The following RYR2 variants were observed in gnomAD, a reference collection of about 807,000 sequenced individuals.
The protein encoded by RYR2 is cardiac muscle ryanodine receptor-calcium release channel.
RYR2 carries 227 observed loss-of-function variants against 601.1 expected under a neutral mutation model. The ratio of observed to expected loss-of-function variants is 0.38; its 90% CI spans 0.34 to 0.42. RYR2 has a LOEUF of 0.42. Among genes scored for constraint, RYR2 ranks in the 10% least tolerant of loss-of-function variants. RYR2 has a pLI of 1.00. For missense variants in RYR2, 4,646 were observed against 6,156.5 expected, an observed-to-expected ratio of 0.75 and a Z score of 8.21; for synonymous variants, 2,223 against 2,175.1, an observed-to-expected ratio of 1.02 and a Z score of -0.61.
intron 23 of RYR2, among the ~76,000 whole-genome samples, chr1:237,507,323 G>C (rs931586742): frequency 2.0e-5 from 3 of 152,168 alleles, no homozygotes; most frequent in African/African-American, 7.2e-5. Context: ...GCTTCTAAAT[G>C]ATACTTTGCT....
intron 3 of RYR2, among the ~76,000 whole-genome samples, chr1:237,355,049 G>C (rs1185381297): frequency 6.6e-6 from 1 of 152,046 alleles, no homozygotes; most frequent in East Asian, 1.9e-4. Flanking sequence ...GAGATTCCTA[G>C]CTAATAGCCC....
chr1:237,586,263 C>G (rs1488191594), intron 29 of RYR2, among the ~76,000 whole-genome samples: 1 of 151,974 alleles, frequency 6.6e-6, no homozygotes, highest in Non-Finnish European at 1.5e-5. Flanking sequence ...TTTGTTGAGC[C>G]CTAAAGATGA....
rs147389346 is a variant in RYR2, at chr1:237,445,448, G to C, written c.1218G>C (p.Ser406=). The change falls in exon 14 of 105, where the codon TCG becomes TCC. Residue 406 remains serine, a synonymous_variant. Coordinates refer to ENST00000366574, the MANE Select transcript of RYR2 (RefSeq NM_001035.3). ...EGHMDDGISL[S]RSQHEESRTA... ...ACATGGATGATGGCATAAGTTTGTCGAGATCCCAGCATGAAGAATCACGCA... is the reference window on the plus strand; with the variant it reads ...ACATGGATGATGGCATAAGTTTGTCCAGATCCCAGCATGAAGAATCACGCA... The C allele has an allele frequency of 1.9e-6, 3 of 1,613,530 alleles. No homozygotes were observed. Among genetic ancestry groups the C allele is most frequent in the Admixed American group, 3.3e-5 (2 of 59,962 alleles).
chr1:237,229,531 A>G (rs1684744390), intron 1 of RYR2, among the ~76,000 whole-genome samples: 1 of 151,652 alleles, frequency 6.6e-6, no homozygotes, highest in Non-Finnish European at 1.5e-5. Flanking sequence ...GGTACATTGA[A>G]TTCATTGGTT....
At chr1:237,609,393 CAG>C (rs1434254233) in intron 35 of RYR2, among the ~76,000 whole-genome samples, 15 of 129,440 alleles carry the variant, frequency 1.2e-4, no homozygotes, top group African/African-American at 4.0e-4. Context: ...TTCTTTCTGA[CAG>C]AGTCTCACTT....
intron 63 of RYR2, among the ~76,000 whole-genome samples, chr1:237,695,935 T>C (rs892249114): frequency 1.3e-5 from 2 of 152,164 alleles, no homozygotes; most frequent in African/African-American, 4.8e-5. Context: ...CACAGAAATT[T>C]CATATTCCCA....
intron 79 of RYR2, among the ~76,000 whole-genome samples, chr1:237,734,910 C>T (rs114847736): frequency 0.027 from 4,101 of 152,064 alleles, 59 homozygotes; most frequent in Middle Eastern, 0.048. Context: ...CATTAGAAGC[C>T]GTAGGAGTAG....
rs765577164 is a variant in RYR2 at position 237,832,687 on chromosome 1, C to T, written c.*40C>T. The stretch of plus-strand genomic sequence containing the variant: ...ACCTCTAAAAACCAAAACCCTACCC[C>T]TCTCTCTCCCTCTCTCAATTTCTCT... On this transcript the variant is annotated 3_prime_UTR_variant, in exon 105 of 105. Coordinates refer to ENST00000366574, the MANE Select transcript of RYR2 (RefSeq NM_001035.3). The T allele has an allele frequency of 1.9e-6, 2 of 1,074,426 alleles. No individual in the cohort carries two copies. Among genetic ancestry groups the T allele is most frequent in the African/African-American group, 1.6e-5 (1 of 64,078 alleles). 66.6% of individuals were successfully genotyped at this position (1,074,426 alleles called of 1,614,324 possible). A position where few individuals can be genotyped will look rare whatever the true frequency, so the allele number is the denominator to read the frequency against.
At chr1:237,267,903 A>G (rs896122640) in intron 1 of RYR2, among the ~76,000 whole-genome samples, 5 of 152,214 alleles carry the variant, frequency 3.3e-5, no homozygotes, top group Admixed American at 6.5e-5. Context: ...TGTGAGTAAC[A>G]AGTTACTTTA....
intron 102 of RYR2, 103 bp from the exon 103 acceptor site, chr1:237,830,427 G>C: frequency 1.3e-6 from 1 of 753,318 alleles, no homozygotes; most frequent in Non-Finnish European, 2.4e-6. Flanking sequence ...TCTTTGACGT[G>C]TATTGAGTGA....
chr1:237,659,001 G>A (rs1683511659), intron 54 of RYR2, among the ~76,000 whole-genome samples: 1 of 152,180 alleles, frequency 6.6e-6, no homozygotes, highest in South Asian at 2.1e-4. Context: ...CTTGACAGAG[G>A]ATAAAGTAGG....
intron 103 of RYR2, 32 bp downstream of exon 103, chr1:237,830,662 C>A: frequency 9.1e-7 from 1 of 1,093,756 alleles, no homozygotes; most frequent in Non-Finnish European, 1.4e-6. Context: ...TCTTCCACCT[C>A]TCCAGTAGAC....
chr1:237,298,906 G>A (rs1445788003), intron 2 of RYR2, among the ~76,000 whole-genome samples: 1 of 152,006 alleles, frequency 6.6e-6, no homozygotes, highest in Non-Finnish European at 1.5e-5. Flanking sequence ...AGTCTGAAGT[G>A]GGAAGATCCC....
intron 102 of RYR2, among the ~76,000 whole-genome samples, chr1:237,829,506 A>G (rs1197965847): frequency 6.6e-6 from 1 of 152,148 alleles, no homozygotes; most frequent in Non-Finnish European, 1.5e-5. Flanking sequence ...TAGTTAGCTG[A>G]CCTAGGGAAC....
rs759424061 is a variant in RYR2, at chr1:237,590,671, C to G, written c.3839C>G (p.Ser1280Cys). Residue 1280 changes from serine (S) to cysteine (C), a missense_variant, in exon 31 of 105, where the codon TCC (serine) becomes TGC (cysteine). By Grantham distance (112) the Ser-to-Cys change is moderately radical. Transcript: ENST00000366574. ...VTRIDGTIDS[S>C]PCLKVTQKSF... is the part of the protein sequence containing the mutation. The stretch of plus-strand genomic sequence containing the variant: ...AGAATAGACGGCACCATAGACAGTT[C>G]CCCATGTTTAAAGGTCACTCAGAAG... 3.8e-6 allele frequency: 6 copies of G among 1,563,524 alleles called. No homozygotes were observed. Among genetic ancestry groups the G allele is most frequent in the Non-Finnish European group, 5.2e-6 (6 of 1,153,798 alleles).
chr1:237,284,957 C>T (rs1691379932), intron 2 of RYR2, among the ~76,000 whole-genome samples: 1 of 151,956 alleles, frequency 6.6e-6, no homozygotes, highest in Non-Finnish European at 1.5e-5. Flanking sequence ...TCAAGGTAAA[C>T]GATCATGTCA....
chr1:237,703,090 A>C (rs1315998453), intron 66 of RYR2, among the ~76,000 whole-genome samples: 2 of 151,906 alleles, frequency 1.3e-5, no homozygotes, highest in Non-Finnish European at 2.9e-5. Flanking sequence ...ATCTATGTTC[A>C]TAGATTCCAT....
At chr1:237,830,673 GC>G in intron 103 of RYR2, 43 bp downstream of exon 103, 2 of 946,066 alleles carry the variant, frequency 2.1e-6, no homozygotes, top group Non-Finnish European at 3.4e-6. Context: ...TCCAGTAGAC[GC>G]CACTGGTCCC....
chr1:237,466,541 T>G (rs1377882036), intron 16 of RYR2, among the ~76,000 whole-genome samples: 2 of 152,086 alleles, frequency 1.3e-5, no homozygotes, highest in African/African-American at 4.8e-5. Context: ...TTAGCTTATA[T>G]TTAAAAAATA....
Sources: allele counts gnomAD v4.1 joint callset (sites outside exome capture counted in the v4.1 genomes callset), GRCh38; gene constraint gnomAD v4.1.1; transcripts MANE v1.5; gene names NCBI Gene and HGNC (gene_info 2026-07-23, HGNC 2026-07-21).